Variants in SLC9A1 observed in about 807,000 individuals in gnomAD.
SLC9A1 encodes the protein solute carrier family 9 member A1, also known as sodium/hydrogen exchanger 1.
A neutral mutation model predicts 67.9 loss-of-function variants in SLC9A1; 22 were observed. The observed-to-expected ratio is 0.32, with a 90% confidence interval of 0.23 to 0.46. The LOEUF is 0.46. Among genes scored for constraint, SLC9A1 ranks in the 20% least tolerant of loss-of-function variants. The pLI is 1.00. For synonymous variants in SLC9A1, 421 were observed against 471.8 expected (o/e 0.89, Z 1.40); for missense variants, 686 against 1,094.8 (o/e 0.63, Z 5.27).
At chr1:27,138,434 T>G (rs2083433420) in intron 1 of SLC9A1, among the ~76,000 whole-genome samples, 1 of 151,262 alleles carries the variant, frequency 6.6e-6, no homozygotes, top group African/African-American at 2.5e-5. Context: ...CAATGCTCCA[T>G]GCTGGCATGG....
At chr1:27,150,587 T>C (rs1364613795) in intron 1 of SLC9A1, among the ~76,000 whole-genome samples, 1 of 152,012 alleles carries the variant, frequency 6.6e-6, no homozygotes, top group Non-Finnish European at 1.5e-5. Context: ...CCCACAGTTT[T>C]CCCAATAGCC....
In SLC9A1 at chr1:27,101,718, A is replaced by G. The variant is rs2083146266; in HGVS notation, c.2037+7T>C. 4.4e-6 allele frequency: 7 copies of G among 1,599,940 alleles called. No individual in the cohort carries two copies. The highest frequency in any genetic ancestry group is 6.0e-6 in the Non-Finnish European group (7 of 1,168,830). On this transcript the variant is annotated splice_region_variant and intron_variant, in intron 10 of 11. Transcript: ENST00000263980. This position sits in a 1 kb window ranked among gnomAD's most constrained non-coding sequence, Gnocchi z 4.9. Reference sequence around the variant, plus strand: ...GATACAGATTCCCAGAGGAAGGCAGAGGCTACCTTCTGCTCCAGCTGCCGG... The same window carrying G: ...GATACAGATTCCCAGAGGAAGGCAGGGGCTACCTTCTGCTCCAGCTGCCGG...
chr1:27,101,959 G>A lies in SLC9A1; in HGVS notation c.1935+57C>T. On this transcript the variant is annotated intron_variant, in intron 9 of 11. Coordinates refer to ENST00000263980, the MANE Select transcript of SLC9A1 (RefSeq NM_003047.5). This position sits in a 1 kb window ranked among gnomAD's most constrained non-coding sequence, Gnocchi z 4.9. ...GCACGGGCAGGGCAGGGCTGCCGTA[G>A]AGAGGGGCTGAAGGGCTCCTGTACC... is the stretch of plus-strand genomic sequence containing the variant. 1 of 1,476,932 alleles carries A rather than the reference G, an allele frequency of 6.8e-7. No homozygotes were observed. The highest frequency in any genetic ancestry group is 1.1e-5 in the South Asian group (1 of 88,320). 91.5% of individuals were successfully genotyped at this position (1,476,932 alleles called of 1,614,324 possible).
In SLC9A1 at chr1:27,100,451, C is replaced by T; in HGVS notation, c.2304G>A (p.Glu768=). Residue 768 remains glutamate, a synonymous_variant, in exon 12 of 12, where the codon GAG becomes GAA. Transcript: ENST00000263980. This position sits in a 1 kb window ranked among gnomAD's most constrained non-coding sequence, Gnocchi z 5.6. ...CATCGTCGGTTCCTGGGGACGAAGT[C>T]TCCTTGCTCCGCATCATGATGCCCC... is the stretch of plus-strand genomic sequence containing the variant. ...DDGGIMMRSK[E]TSSPGTDDVF... is the part of the protein sequence containing the mutation. 6.2e-7 allele frequency: 1 copy of T among 1,613,928 alleles called. No homozygotes were observed. The highest frequency in any genetic ancestry group is 2.2e-5 in the East Asian group (1 of 44,876).
intron 1 of SLC9A1, among the ~76,000 whole-genome samples, chr1:27,153,515 C>CA (rs1386964289): frequency 6.6e-6 from 1 of 152,202 alleles, no homozygotes; most frequent in African/African-American, 2.4e-5. Flanking sequence ...TTAAACTCCT[C>CA]AAGCAGGCCA....
At chr1:27,112,100 G>A (rs948968880) in intron 2 of SLC9A1, among the ~76,000 whole-genome samples, 2 of 152,216 alleles carry the variant, frequency 1.3e-5, no homozygotes, top group Non-Finnish European at 2.9e-5. Flanking sequence ...TAAGAAGCCT[G>A]GGAGGATGAC....
intron 2 of SLC9A1, among the ~76,000 whole-genome samples, chr1:27,113,527 G>C (rs1026500613): frequency 1.6e-4 from 25 of 152,168 alleles, no homozygotes; most frequent in Admixed American, 6.5e-5. Flanking sequence ...TTAGGCCCTG[G>C]AGTCAGTCAG....
chr1:27,110,741 T>A (rs578233246), intron 2 of SLC9A1, among the ~76,000 whole-genome samples: 1 of 152,316 alleles, frequency 6.6e-6, no homozygotes, highest in East Asian at 1.9e-4. Flanking sequence ...CTGACAGCCA[T>A]GGCTGAGGCC....
chr1:27,131,947 A>AAAAAAAAAAATATATATATATATATAT, intron 1 of SLC9A1, among the ~76,000 whole-genome samples: 1 of 52,124 alleles, frequency 1.9e-5, no homozygotes, highest in African/African-American at 6.3e-5. Flanking sequence ...AGAAAAAAAA[A>AAAAAAAAAAATATATATATATATATAT]ATATATATAT....
At chr1:27,130,653 G>T (rs1406982149) in intron 1 of SLC9A1, among the ~76,000 whole-genome samples, 1 of 152,198 alleles carries the variant, frequency 6.6e-6, no homozygotes, top group Admixed American at 6.5e-5. Context: ...GAAGCCCTGT[G>T]CCTTCTCATT....
chr1:27,115,511 C>T (rs1406280169), intron 1 of SLC9A1, among the ~76,000 whole-genome samples: 1 of 152,106 alleles, frequency 6.6e-6, no homozygotes, highest in Non-Finnish European at 1.5e-5. Context: ...TGTCCCTTTG[C>T]TCAAGAGGAA....
intron 4 of SLC9A1, among the ~76,000 whole-genome samples, chr1:27,107,352 C>T (rs1319242651): frequency 6.8e-6 from 1 of 146,860 alleles, no homozygotes; most frequent in African/African-American, 2.5e-5. Context: ...AAGCCCTCCA[C>T]ACAACATACT....
chr1:27,107,929 T>C lies in SLC9A1; in HGVS notation c.1065-64A>G. The C allele has an allele frequency of 2.4e-6, 3 of 1,261,392 alleles. No homozygotes were observed. The South Asian group carries it at 3.8e-5, about 16-fold the overall frequency. 78.1% of individuals were successfully genotyped at this position (1,261,392 alleles called of 1,614,324 possible). On this transcript the variant is annotated intron_variant, in intron 3 of 11. Transcript: ENST00000263980. ...GCTGCACCTGCTCGAGCCCCTCCAC[T>C]GCCAGGGGCAATGGGGCCACGACCA...
chr1:27,135,495 ATTTTTTT>A (rs373388008), intron 1 of SLC9A1, among the ~76,000 whole-genome samples: 81 of 117,182 alleles, frequency 6.9e-4, no homozygotes, highest in African/African-American at 2.5e-3. Context: ...GCAGTGTTTG[ATTTTTTT>A]TTTTATTTCT....
At chr1:27,105,683 C>T (rs1448829755) in intron 5 of SLC9A1, 1 of 715,298 alleles carries the variant, frequency 1.4e-6, no homozygotes, top group South Asian at 1.5e-5. Context: ...AGTCACTCTG[C>T]AATGACTCAT....
chr1:27,126,683 T>C (rs1377134799), intron 1 of SLC9A1, among the ~76,000 whole-genome samples: 1 of 152,212 alleles, frequency 6.6e-6, no homozygotes, highest in Non-Finnish European at 1.5e-5. Context: ...CCTATTCATC[T>C]TTGACTCTCT....
chr1:27,103,570 C>T, intron 5 of SLC9A1: 2 of 524,030 alleles, frequency 3.8e-6, no homozygotes, highest in East Asian at 6.5e-5. Context: ...TGGCCTGGGC[C>T]AGGCAGCAGA....
chr1:27,120,152 G>C (rs1442144437), intron 1 of SLC9A1, among the ~76,000 whole-genome samples: 1 of 151,216 alleles, frequency 6.6e-6, no homozygotes, highest in Non-Finnish European at 1.5e-5. Flanking sequence ...GTTTTGTTTT[G>C]GGGGGGCGGA....
rs886219621 is a variant in SLC9A1 at position 27,102,013 on chromosome 1, C to T, written c.1935+3G>A. On this transcript the variant is annotated splice_donor_region_variant and intron_variant, in intron 9 of 11. Transcript: ENST00000263980. ...GGGGTCGGGCTGGGGAGCAGGCCCT[C>T]ACCCGCTGCCTGGTCTTCTGCAAGT... 19 of 1,605,874 alleles carry T rather than the reference C, an allele frequency of 1.2e-5. No individual in the cohort carries two copies. The highest frequency in any genetic ancestry group is 1.6e-5 in the Non-Finnish European group (19 of 1,172,812).
Sources: allele counts gnomAD v4.1 joint callset (sites outside exome capture counted in the v4.1 genomes callset), GRCh38; gene constraint gnomAD v4.1.1; non-coding constraint Gnocchi (gnomAD v3.1); transcripts MANE v1.5; gene names NCBI Gene and HGNC (gene_info 2026-07-23, HGNC 2026-07-21).